FSTL5: variants seen among roughly 807,000 people sequenced by gnomAD.
FSTL5 encodes follistatin-related protein 5.
Under a neutral mutation model 89.1 loss-of-function variants are expected in FSTL5, and 62 were observed. The observed-to-expected ratio is 0.70, with a 90% CI of 0.57 to 0.86. The LOEUF (loss-of-function observed/expected upper bound fraction) is 0.86. Ranked by LOEUF, FSTL5 falls within the 40% of genes least tolerant of loss-of-function variation. The pLI is 0.00. For synonymous variants in FSTL5, 383 were observed against 346.2 expected (o/e 1.11, Z -1.18); for missense variants, 1,057 against 1,001.6 (o/e 1.06, Z -0.75).
intron 4 of FSTL5, among the ~76,000 whole-genome samples, chr4:161,888,162 G>C (rs1259424126): frequency 6.6e-6 from 1 of 152,152 alleles, no homozygotes; most frequent in Non-Finnish European, 1.5e-5. Context: ...CACAAAACTA[G>C]ACTGCATTTC....
chr4:161,843,575 G>A (rs1731276681), intron 4 of FSTL5, among the ~76,000 whole-genome samples: 1 of 152,088 alleles, frequency 6.6e-6, no homozygotes, highest in South Asian at 2.1e-4. Flanking sequence ...AAAACAGCAT[G>A]GTACTGGTAC....
At chr4:162,078,036 C>A (rs1729939123) in intron 2 of FSTL5, among the ~76,000 whole-genome samples, 1 of 151,798 alleles carries the variant, frequency 6.6e-6, no homozygotes, top group African/African-American at 2.4e-5. Flanking sequence ...ATGTTAACAG[C>A]ATAAACTAAC....
chr4:161,802,714 T>C (rs1005505925), intron 4 of FSTL5, among the ~76,000 whole-genome samples: 2 of 151,804 alleles, frequency 1.3e-5, no homozygotes, highest in Non-Finnish European at 3.0e-5. Context: ...AGAATATTTA[T>C]GCTGCTATTG....
chr4:161,535,164 A>C (rs898615484), intron 10 of FSTL5, among the ~76,000 whole-genome samples: 14 of 152,252 alleles, frequency 9.2e-5, no homozygotes, highest in Middle Eastern at 3.4e-3. Flanking sequence ...TGGTTTTGGC[A>C]GAGAATTTAT....
At chr4:161,810,261 T>C (rs1730097085) in intron 4 of FSTL5, among the ~76,000 whole-genome samples, 1 of 152,118 alleles carries the variant, frequency 6.6e-6, no homozygotes, top group Non-Finnish European at 1.5e-5. Flanking sequence ...ATCTATGAAG[T>C]ATATAGCCTA....
At chr4:161,564,180 A>T (rs1483007945) in intron 8 of FSTL5, among the ~76,000 whole-genome samples, 1 of 151,568 alleles carries the variant, frequency 6.6e-6, no homozygotes, top group Non-Finnish European at 1.5e-5. Context: ...CTTGATGTAT[A>T]TTATCAGAAC....
At chr4:161,537,145 A>G (rs1671464328) in intron 10 of FSTL5, among the ~76,000 whole-genome samples, 3 of 152,044 alleles carry the variant, frequency 2.0e-5, no homozygotes, top group Admixed American at 2.0e-4. Context: ...CAATGGATCC[A>G]CTCATGTCAA....
At chr4:161,521,534 T>C (rs1731020811) in intron 10 of FSTL5, among the ~76,000 whole-genome samples, 1 of 151,940 alleles carries the variant, frequency 6.6e-6, no homozygotes, top group Non-Finnish European at 1.5e-5. Context: ...AAAAGTAACA[T>C]CAATATCTAA....
chr4:161,958,151 T>C (rs1242248712), intron 3 of FSTL5, among the ~76,000 whole-genome samples: 2 of 152,104 alleles, frequency 1.3e-5, no homozygotes, highest in African/African-American at 4.8e-5. Context: ...TATCAGACGT[T>C]GTGGTTTTCA....
chr4:161,388,678 T>C (rs994573937), intron 15 of FSTL5, among the ~76,000 whole-genome samples: 1 of 152,100 alleles, frequency 6.6e-6, no homozygotes, highest in African/African-American at 2.4e-5. Flanking sequence ...TTATAATTTG[T>C]ACATGAGCTC....
intron 7 of FSTL5, among the ~76,000 whole-genome samples, chr4:161,642,786 G>T (rs959712971): frequency 3.3e-5 from 4 of 120,006 alleles, no homozygotes; most frequent in Admixed American, 2.8e-4. Flanking sequence ...TGGTTCCCAG[G>T]AGTGGAGAGG....
chr4:162,045,678 G>A (rs905220325), intron 2 of FSTL5, among the ~76,000 whole-genome samples: 1 of 151,874 alleles, frequency 6.6e-6, no homozygotes, highest in Admixed American at 6.6e-5. Flanking sequence ...CTTAACACCG[G>A]GCTACCACGA....
chr4:161,660,178 T>C (rs909230758), intron 6 of FSTL5, among the ~76,000 whole-genome samples: 1 of 152,190 alleles, frequency 6.6e-6, no homozygotes, highest in African/African-American at 2.4e-5. Context: ...ACCTTTTTAA[T>C]TCAGCTTTTG....
intron 2 of FSTL5, among the ~76,000 whole-genome samples, chr4:162,107,312 C>T (rs1731261786): frequency 1.3e-5 from 2 of 152,094 alleles, no homozygotes; most frequent in Admixed American, 1.3e-4. Flanking sequence ...TCACTTATGC[C>T]ATGAGAATAT....
At chr4:162,141,358 G>A (rs941021100) in intron 1 of FSTL5, among the ~76,000 whole-genome samples, 4 of 142,590 alleles carry the variant, frequency 2.8e-5, no homozygotes, top group Admixed American at 7.1e-5. Flanking sequence ...CTCGTGATCC[G>A]CCCGTCTCGG....
At chr4:161,737,028 G>A (rs1382344844) in intron 6 of FSTL5, among the ~76,000 whole-genome samples, 2 of 151,992 alleles carry the variant, frequency 1.3e-5, no homozygotes, top group Non-Finnish European at 2.9e-5. Flanking sequence ...AGAAGAATAA[G>A]GAAACTTCCC....
At chr4:161,870,808 A>G (rs1312467099) in intron 4 of FSTL5, among the ~76,000 whole-genome samples, 2 of 152,132 alleles carry the variant, frequency 1.3e-5, no homozygotes, top group Non-Finnish European at 2.9e-5. Context: ...TTCTGCTAGG[A>G]AACATCCCAG....
intron 6 of FSTL5, among the ~76,000 whole-genome samples, chr4:161,740,725 G>C (rs1485768175): frequency 6.6e-6 from 1 of 151,914 alleles, no homozygotes; most frequent in African/African-American, 2.4e-5. Context: ...ATTGATTGTT[G>C]TTTCATTCAT....
chr4:161,739,987 G>A (rs1329584502), intron 6 of FSTL5, among the ~76,000 whole-genome samples: 1 of 150,888 alleles, frequency 6.6e-6, no homozygotes, highest in Admixed American at 6.6e-5. Flanking sequence ...GTTCAAAATA[G>A]GATAGTATCT....
Sources: allele counts gnomAD v4.1 joint callset (sites outside exome capture counted in the v4.1 genomes callset), GRCh38; gene constraint gnomAD v4.1.1; transcripts MANE v1.5; gene names NCBI Gene and HGNC (gene_info 2026-07-23, HGNC 2026-07-21).